Variants in SEPTIN3 observed in about 807,000 individuals in gnomAD.
The protein encoded by SEPTIN3 is neuronal-specific septin-3.
In SEPTIN3, 15 loss-of-function variants were observed where a neutral mutation model predicts 45.1. The observed-to-expected ratio is 0.33, with a 90% CI of 0.22 to 0.51. The LOEUF is 0.51. Among genes scored for constraint, SEPTIN3 ranks in the 20% least tolerant of loss-of-function variants. The pLI, the probability that SEPTIN3 is intolerant of heterozygous loss-of-function variation, is 0.97. For missense variants in SEPTIN3, 289 were observed against 457.2 expected, an observed-to-expected ratio of 0.63 and a Z score of 3.35; for synonymous variants, 148 against 164.8, an observed-to-expected ratio of 0.90 and a Z score of 0.78.
At chr22:41,996,674 T>C in intron 11 of SEPTIN3, 1 of 1,398,396 alleles carries the variant, frequency 7.2e-7, no homozygotes, top group African/African-American at 1.5e-5. Context: ...AGGTTATACA[T>C]TTCAACAGAA....
chr22:41,977,158 G>T, intron 2 of SEPTIN3: 1 of 1,418,196 alleles, frequency 7.1e-7, no homozygotes, highest in Non-Finnish European at 9.5e-7. Flanking sequence ...TCCTGGGGGA[G>T]GGTTTCCGCG....
At position 41,994,602 on chromosome 22, in the gene SEPTIN3, C is replaced by G; in HGVS notation, c.2412-19C>G. ...TGCCCCTAATTGCAGCCCTCTTCTT[C>G]TCACCCTGTGTCCTCTAGGACCCAC... On this transcript the variant is annotated intron_variant, in intron 10 of 11. Transcript: ENST00000644076. This position sits in a 1 kb window ranked among gnomAD's most constrained non-coding sequence, Gnocchi z 4.2. The G allele has an allele frequency of 6.2e-7, 1 of 1,613,942 alleles. No individual in the cohort carries two copies. Among genetic ancestry groups the G allele is most frequent in the Non-Finnish European group, 8.5e-7 (1 of 1,179,954 alleles).
chr22:41,991,489 C>T (rs550601880), intron 7 of SEPTIN3, 84 bp from the exon 8 acceptor site: 1 of 985,178 alleles, frequency 1.0e-6, no homozygotes. Context: ...GCTCTCTGAC[C>T]TCAGCTCACG....
intron 3 of SEPTIN3, among the ~76,000 whole-genome samples, chr22:41,984,468 T>C (rs988055532): frequency 1.3e-5 from 2 of 152,218 alleles, no homozygotes; most frequent in Non-Finnish European, 2.9e-5. Context: ...CCGAGGCTGC[T>C]TGTCAATTGC....
chr22:41,985,789 CA>C (rs2078196342), intron 3 of SEPTIN3, 194 bp from the exon 4 acceptor site: 2 of 513,972 alleles, frequency 3.9e-6, no homozygotes, highest in Admixed American at 3.5e-5. Flanking sequence ...GATGTTTCCC[CA>C]AGGCCCTCTG....
chr22:41,981,747 T>A lies in SEPTIN3; in HGVS notation c.1607T>A (p.Leu536Gln). ...PMKPMSINSN[L>Q]LGYIGIDTII... ...AAGCCCATGAGCATCAACTCCAACC[T>A]GCTGGGCTACATCGGCATCGACACC... The change falls in exon 3 of 12, where the codon CTG becomes CAG. Residue 536 changes from leucine (L) to glutamine (Q), a missense_variant. By Grantham distance (113) the Leu-to-Gln change is moderately radical (BLOSUM62 -2). Coordinates refer to ENST00000644076, the MANE Select transcript of SEPTIN3 (RefSeq NM_001363845.2). The A allele has an allele frequency of 1.2e-6, 2 of 1,614,092 alleles. No individual in the cohort carries two copies. The highest frequency in any genetic ancestry group is 1.7e-6 in the Non-Finnish European group (2 of 1,180,010).
chr22:41,989,257 G>A (rs133296), intron 6 of SEPTIN3, among the ~76,000 whole-genome samples: 140,692 of 152,094 alleles, frequency 0.93, 65,190 homozygotes, highest in East Asian at 1. Flanking sequence ...AGTAGAGACA[G>A]TAGTCCACAG....
Position 41,972,548 on chromosome 22 carries a change from G to T in SEPTIN3, c.1056G>T (p.Leu352Phe). The T allele has an allele frequency of 2.5e-6, 1 of 399,154 alleles. No homozygotes were observed. The highest frequency in any genetic ancestry group is 1.3e-4 in the South Asian group (1 of 7,856). The allele number at this position is 399,154 out of a possible 1,614,324, so 24.7% of individuals were successfully genotyped here. ...GTTKPGMVMDLIASEPDKLGK... is the reference protein window; with the variant it reads ...GTTKPGMVMDFIASEPDKLGK... ...CCAAGCCAGGGATGGTCATGGATTTGATAGCCTCAGAACCAGACAAGCTGG... is the reference window on the plus strand; with the variant it reads ...CCAAGCCAGGGATGGTCATGGATTTTATAGCCTCAGAACCAGACAAGCTGG... The change falls in exon 2 of 12, where the codon TTG becomes TTT. Residue 352 changes from leucine (L) to phenylalanine (F), a missense_variant. Leu to Phe is a conservative substitution (Grantham distance 22). Transcript: ENST00000644076.
intron 9 of SEPTIN3, among the ~76,000 whole-genome samples, chr22:41,993,137 G>A (rs917183344): frequency 6.6e-6 from 1 of 152,182 alleles, no homozygotes; most frequent in Non-Finnish European, 1.5e-5. Context: ...GACCCTGGGC[G>A]GGTCTTGATG....
intron 9 of SEPTIN3, among the ~76,000 whole-genome samples, chr22:41,993,460 G>C (rs2078357835): frequency 6.6e-6 from 1 of 152,200 alleles, no homozygotes; most frequent in African/African-American, 2.4e-5. Context: ...AAGTATCTGG[G>C]ACTACAGGTG....
intron 4 of SEPTIN3, 122 bp downstream of exon 4, chr22:41,986,234 G>A (rs2078205712): frequency 8.4e-6 from 10 of 1,194,920 alleles, no homozygotes; most frequent in South Asian, 1.5e-5. Flanking sequence ...CAAAACAGAC[G>A]TGAGCACTTC....
Position 41,972,056 on chromosome 22 carries a change from T to C in SEPTIN3, c.564T>C (p.Ser188=), listed in dbSNP as rs1345852429. 1 of 398,910 alleles carries C rather than the reference T, an allele frequency of 2.5e-6. No homozygotes were observed. Among genetic ancestry groups the C allele is most frequent in the East Asian group, 3.6e-5 (1 of 28,070 alleles). 24.7% of individuals were successfully genotyped at this position (398,910 alleles called of 1,614,324 possible). A position where few individuals can be genotyped will look rare whatever the true frequency, so the allele number is the denominator to read the frequency against. ...RMLATEKPLV[S]SYLALPFQSR... ...TTGCCACGGAGAAGCCCCTGGTGAG[T>C]TCCTACCTAGCCTTACCTTTCCAAT... The change falls in exon 2 of 12, where the codon AGT becomes AGC. Residue 188 remains serine (S), a synonymous_variant. Coordinates refer to ENST00000644076, the MANE Select transcript of SEPTIN3 (RefSeq NM_001363845.2).
rs2078272129 is a variant in SEPTIN3 at position 41,989,700 on chromosome 22, G to A, written c.2163+16G>A. Reference sequence around the variant, plus strand: ...CAAGCAAAGGGTGAGAAGGCCCCCTGTCTTCTTTTCCTGTTCCCATCCCCT... The same window carrying A: ...CAAGCAAAGGGTGAGAAGGCCCCCTATCTTCTTTTCCTGTTCCCATCCCCT... On this transcript the variant is annotated intron_variant, in intron 7 of 11. Transcript: ENST00000644076. 6.6e-7 allele frequency: 1 copy of A among 1,518,046 alleles called. No individual in the cohort carries two copies. The highest frequency in any genetic ancestry group is 9.2e-7 in the Non-Finnish European group (1 of 1,092,702). 94.0% of individuals were successfully genotyped at this position (1,518,046 alleles called of 1,614,324 possible).
chr22:41,973,779 A>C (rs147751668), intron 2 of SEPTIN3, among the ~76,000 whole-genome samples: 1 of 152,006 alleles, frequency 6.6e-6, no homozygotes, highest in Non-Finnish European at 1.5e-5. Flanking sequence ...TCAGGAGTTC[A>C]AGACTAGCCT....
In SEPTIN3 at chr22:41,994,358, C is replaced by A. The variant is rs1482748375; in HGVS notation, c.2411+17C>A. 1 of 1,613,436 alleles carries A rather than the reference C, an allele frequency of 6.2e-7. No homozygotes were observed. Among genetic ancestry groups the A allele is most frequent in the Non-Finnish European group, 8.5e-7 (1 of 1,179,516 alleles). On this transcript the variant is annotated intron_variant, in intron 10 of 11. Coordinates refer to ENST00000644076, the MANE Select transcript of SEPTIN3 (RefSeq NM_001363845.2). This position sits in a 1 kb window ranked among gnomAD's most constrained non-coding sequence, Gnocchi z 4.2. Reference sequence around the variant, plus strand: ...TGTCATCAGGTAAGATGTCTCCCCTCCAGCTGTCCAGACAGCAGGTTGAAT... The same window carrying A: ...TGTCATCAGGTAAGATGTCTCCCCTACAGCTGTCCAGACAGCAGGTTGAAT...
intron 8 of SEPTIN3, among the ~76,000 whole-genome samples, chr22:41,992,070 C>G (rs1051481040): frequency 1.4e-4 from 21 of 151,996 alleles, no homozygotes; most frequent in African/African-American, 4.3e-4. Flanking sequence ...AGGCTTCCCC[C>G]GCTAGAATAA....
At position 41,972,038 on chromosome 22, in the gene SEPTIN3, G is replaced by A. The variant is rs1268499195; in HGVS notation, c.546G>A (p.Thr182=). 2 of 398,998 alleles carry A rather than the reference G, an allele frequency of 5.0e-6. No homozygotes were observed. The highest frequency in any genetic ancestry group is 2.1e-5 in the African/African-American group (1 of 48,626). 24.7% of individuals were successfully genotyped at this position (398,998 alleles called of 1,614,324 possible). The change falls in exon 2 of 12, where the codon ACG becomes ACA. Residue 182 remains threonine, a synonymous_variant. Transcript: ENST00000644076. Reference sequence around the variant, plus strand: ...CCAAATCCAACAGGATGCTTGCCACGGAGAAGCCCCTGGTGAGTTCCTACC... The same window carrying A: ...CCAAATCCAACAGGATGCTTGCCACAGAGAAGCCCCTGGTGAGTTCCTACC... ...GLTKSNRMLA[T]EKPLVSSYLA...
intron 11 of SEPTIN3, 158 bp from the exon 12 acceptor site, chr22:41,996,744 A>C (rs747290219): frequency 2.4e-5 from 36 of 1,504,710 alleles, no homozygotes; most frequent in Non-Finnish European, 2.3e-5. Flanking sequence ...CAGCAGGGGA[A>C]GATCTATGGG....
chr22:41,970,913 T>A (rs2077951684), intron 1 of SEPTIN3, among the ~76,000 whole-genome samples: 1 of 152,190 alleles, frequency 6.6e-6, no homozygotes, highest in South Asian at 2.1e-4. Context: ...ACTCCAGCAC[T>A]AGGCCAGCTC....
Sources: allele counts gnomAD v4.1 joint callset (sites outside exome capture counted in the v4.1 genomes callset), GRCh38; gene constraint gnomAD v4.1.1; non-coding constraint Gnocchi (gnomAD v3.1); transcripts MANE v1.5; gene names NCBI Gene and HGNC (gene_info 2026-07-23, HGNC 2026-07-21).